DNAJC1: variants seen among roughly 807,000 people sequenced by gnomAD.
DNAJC1 encodes the protein DnaJ heat shock protein family (Hsp40) member C1.
A neutral mutation model predicts 76.6 loss-of-function variants in DNAJC1; 58 were observed. That is an observed-to-expected ratio of 0.76 (90% confidence interval 0.61 to 0.94). The LOEUF is 0.94. Among genes scored for constraint, DNAJC1 ranks in the 40% least tolerant of loss-of-function variants. The pLI is 0.00. For synonymous variants in DNAJC1, 258 were observed against 267.9 expected (o/e 0.96, Z 0.36); for missense variants, 689 against 677.3 (o/e 1.02, Z -0.19).
chr10:21,769,667 A>G (rs539854768), intron 9 of DNAJC1, among the ~76,000 whole-genome samples: 1 of 152,228 alleles, frequency 6.6e-6, no homozygotes, highest in Admixed American at 6.5e-5. Flanking sequence ...ACCAAAAACT[A>G]AACTCATCAG....
rs371838065 is a variant in DNAJC1 at position 21,826,693 on chromosome 10, A to G, written c.979-20594T>C. 5.9e-5 allele frequency among the ~76,000 whole-genome samples: 9 copies of G among 152,276 alleles called. No individual in the cohort carries two copies. The East Asian group carries it at 1.5e-3, about 26-fold the overall frequency. ...AAATTTTTCTATATACTATAACGTA[A>G]TAGTCCAATTTCACTCTTTTGTAAG... is the stretch of plus-strand genomic sequence containing the variant. On this transcript the variant is annotated intron_variant, in intron 8 of 11. Transcript: ENST00000376980.
At chr10:21,756,895 G>A in intron 11 of DNAJC1, 140 bp from the exon 12 acceptor site, 1 of 722,212 alleles carries the variant, frequency 1.4e-6, no homozygotes, top group Admixed American at 2.5e-5. Context: ...ATGTCCTGGA[G>A]TCCAGTCGCT....
At chr10:21,981,096 A>G (rs1315504998) in intron 1 of DNAJC1, among the ~76,000 whole-genome samples, 4 of 152,204 alleles carry the variant, frequency 2.6e-5, no homozygotes, top group African/African-American at 9.6e-5. Context: ...AAGCAGATGC[A>G]TAATGCTGTT....
intron 8 of DNAJC1, among the ~76,000 whole-genome samples, chr10:21,881,917 G>T (rs180672960): frequency 6.6e-6 from 1 of 150,626 alleles, no homozygotes; most frequent in African/African-American, 2.4e-5. Flanking sequence ...CACTTTGGGA[G>T]GCCGAGGGGG....
At chr10:21,897,484 G>A (rs557962055) in intron 7 of DNAJC1, among the ~76,000 whole-genome samples, 6 of 152,260 alleles carry the variant, frequency 3.9e-5, no homozygotes, top group Admixed American at 1.3e-4. Context: ...AACACCCTGG[G>A]CCATGGACTT....
intron 1 of DNAJC1, among the ~76,000 whole-genome samples, chr10:21,937,206 T>A (rs1213806927): frequency 6.6e-6 from 1 of 152,176 alleles, no homozygotes. Flanking sequence ...GAGGATTTAC[T>A]GTACATGGTG....
chr10:21,862,165 G>A lies in DNAJC1; in HGVS notation c.978+20117C>T, dbSNP rs558827863. ...ACTCCCAACCTCAGGTGATCCGCCTGCCTCAGCCTCCCAAAGTGCTGGGAT... is the reference window on the plus strand; with the variant it reads ...ACTCCCAACCTCAGGTGATCCGCCTACCTCAGCCTCCCAAAGTGCTGGGAT... On this transcript the variant is annotated intron_variant, in intron 8 of 11. Coordinates refer to ENST00000376980, the MANE Select transcript of DNAJC1 (RefSeq NM_022365.4). Among the ~76,000 whole-genome samples the A allele has an allele frequency of 3.3e-5, 5 of 152,188 alleles. No individual in the cohort carries two copies. The South Asian group carries it at 8.3e-4, about 25-fold the overall frequency.
At chr10:21,790,035 A>T in intron 9 of DNAJC1, among the ~76,000 whole-genome samples, 1 of 150,220 alleles carries the variant, frequency 6.7e-6, no homozygotes, top group Non-Finnish European at 1.5e-5. Context: ...AAAAAAAAAA[A>T]AAGAAACAGC....
At chr10:21,936,459 G>A (rs1837313956) in intron 1 of DNAJC1, among the ~76,000 whole-genome samples, 1 of 152,130 alleles carries the variant, frequency 6.6e-6, no homozygotes, top group African/African-American at 2.4e-5. Context: ...TTAAAAGACA[G>A]TTACATAAGG....
intron 9 of DNAJC1, among the ~76,000 whole-genome samples, chr10:21,776,821 G>A (rs1452001962): frequency 1.3e-5 from 2 of 152,160 alleles, no homozygotes; most frequent in Non-Finnish European, 2.9e-5. Flanking sequence ...TATTTCCTGG[G>A]AGAAAACACT....
At chr10:21,790,135 A>C (rs1834665388) in intron 9 of DNAJC1, among the ~76,000 whole-genome samples, 1 of 151,414 alleles carries the variant, frequency 6.6e-6, no homozygotes, top group Non-Finnish European at 1.5e-5. Context: ...AGAAAGAAAG[A>C]AAAAAAGCAA....
intron 1 of DNAJC1, among the ~76,000 whole-genome samples, chr10:21,994,516 C>T (rs541780808): frequency 5.3e-5 from 8 of 152,228 alleles, no homozygotes; most frequent in South Asian, 4.2e-4. Flanking sequence ...TGGCCAGGCG[C>T]GGTGGCTCAC....
At chr10:21,803,787 C>T in intron 9 of DNAJC1, 4 of 927,168 alleles carry the variant, frequency 4.3e-6, no homozygotes, top group Non-Finnish European at 3.8e-6. Context: ...TTTTTTTGTA[C>T]AACAAAAGTT....
chr10:21,913,102 C>T (rs1184695853), intron 6 of DNAJC1, among the ~76,000 whole-genome samples: 1 of 151,418 alleles, frequency 6.6e-6, no homozygotes, highest in East Asian at 1.9e-4. Flanking sequence ...GATATGCATG[C>T]TGGAAACTTC....
intron 7 of DNAJC1, among the ~76,000 whole-genome samples, chr10:21,888,288 G>T (rs2131728191): frequency 2.0e-5 from 3 of 152,286 alleles, no homozygotes; most frequent in Admixed American, 2.0e-4. Flanking sequence ...CTGTTGGTGG[G>T]AGTGAAAATT....
intron 7 of DNAJC1, among the ~76,000 whole-genome samples, chr10:21,901,724 G>A (rs574932425): frequency 6.6e-5 from 10 of 152,074 alleles, no homozygotes; most frequent in East Asian, 1.9e-4. Flanking sequence ...AGCAGATGAG[G>A]GCAGATTAGC....
intron 9 of DNAJC1, among the ~76,000 whole-genome samples, chr10:21,775,598 C>G (rs1167689889): frequency 2.6e-5 from 4 of 152,048 alleles, no homozygotes; most frequent in Non-Finnish European, 5.9e-5. Context: ...ACGGTCATCA[C>G]CAGATTGATG....
intron 8 of DNAJC1, among the ~76,000 whole-genome samples, chr10:21,876,812 T>A (rs529963748): frequency 1.3e-5 from 2 of 152,304 alleles, no homozygotes; most frequent in South Asian, 4.1e-4. Context: ...TTTAAAATAA[T>A]TTGTAGCAGG....
intron 8 of DNAJC1, among the ~76,000 whole-genome samples, chr10:21,834,959 T>G (rs891337620): frequency 6.6e-6 from 1 of 152,228 alleles, no homozygotes; most frequent in African/African-American, 2.4e-5. Context: ...TGTCCCACTC[T>G]GACACCTTTG....
Sources: allele counts gnomAD v4.1 joint callset (sites outside exome capture counted in the v4.1 genomes callset), GRCh38; gene constraint gnomAD v4.1.1; transcripts MANE v1.5; gene names NCBI Gene and HGNC (gene_info 2026-07-23, HGNC 2026-07-21).